Variants in CEP70 observed in about 807,000 individuals in gnomAD.
CEP70 encodes centrosomal protein 70.
In CEP70, 70 loss-of-function variants were observed where a neutral mutation model predicts 90.9. That is an observed-to-expected ratio of 0.77 (90% CI 0.64 to 0.94). The LOEUF (loss-of-function observed/expected upper bound fraction) is 0.94, where lower values mean the gene tolerates loss of function less well. CEP70 is among the 40% of genes least tolerant of loss of function. CEP70 has a pLI of 0.00. For missense variants in CEP70, 648 were observed against 669.0 expected (o/e 0.97, Z 0.35); for synonymous variants, 220 against 228.3 (o/e 0.96, Z 0.33).
At chr3:138,509,875 C>T (rs1196405065) in intron 11 of CEP70, among the ~76,000 whole-genome samples, 1 of 151,930 alleles carries the variant, frequency 6.6e-6, no homozygotes, top group Non-Finnish European at 1.5e-5. Context: ...CTGTTGGGTA[C>T]CACAGTGCTT....
chr3:138,517,470 C>A (rs1353448368), intron 11 of CEP70, among the ~76,000 whole-genome samples: 1 of 152,010 alleles, frequency 6.6e-6, no homozygotes, highest in Non-Finnish European at 1.5e-5. Flanking sequence ...GAGATCCACA[C>A]AGTGGCTAAC....
At chr3:138,523,537 CAAAATCAATGTGCAA>C in intron 11 of CEP70, among the ~76,000 whole-genome samples, 1 of 152,064 alleles carries the variant, frequency 6.6e-6, no homozygotes, top group Admixed American at 6.6e-5. Context: ...TCTCAGGATA[CAAAATCAATGTGCAA>C]AAATCACAAG....
chr3:138,564,759 C>T (rs540445710), intron 6 of CEP70, among the ~76,000 whole-genome samples: 2 of 152,008 alleles, frequency 1.3e-5, no homozygotes, highest in Non-Finnish European at 1.5e-5. Context: ...GGGCAAAAAC[C>T]AGAAGCACTC....
At chr3:138,546,807 T>A (rs2039243026) in intron 6 of CEP70, among the ~76,000 whole-genome samples, 1 of 152,074 alleles carries the variant, frequency 6.6e-6, no homozygotes, top group East Asian at 1.9e-4. Context: ...TAATATACTA[T>A]TCATAAATGA....
At chr3:138,583,129 C>T in intron 2 of CEP70, among the ~76,000 whole-genome samples, 1 of 152,140 alleles carries the variant, frequency 6.6e-6, no homozygotes, top group Non-Finnish European at 1.5e-5. Context: ...AAGGATATTA[C>T]ATGCCAATGA....
chr3:138,578,370 C>T (rs763355333), intron 2 of CEP70, among the ~76,000 whole-genome samples: 1 of 152,180 alleles, frequency 6.6e-6, no homozygotes, highest in Non-Finnish European at 1.5e-5. Context: ...AATGAGAGAA[C>T]TCCCTAATTC....
rs2036930407 is a variant in CEP70 at position 138,523,789 on chromosome 3, G to A, written c.944+1701C>T. Among the ~76,000 whole-genome samples, 17 of 152,176 alleles carry A rather than the reference G, an allele frequency of 1.1e-4. No individual in the cohort carries two copies. The South Asian group carries it at 3.5e-3, about 32-fold the overall frequency. On this transcript the variant is annotated intron_variant, in intron 11 of 17. Transcript: ENST00000264982. ...AGGAAGAATCAATATCGTGAAAATG[G>A]CCATACTACCCAAGGTAATTTATAG... is the stretch of plus-strand genomic sequence containing the variant.
chr3:138,550,016 T>C (rs185275853), intron 6 of CEP70, among the ~76,000 whole-genome samples: 1 of 152,186 alleles, frequency 6.6e-6, no homozygotes, highest in Non-Finnish European at 1.5e-5. Flanking sequence ...AAAAGGGAGA[T>C]AGTATTACAT....
chr3:138,553,168 C>T (rs919452585), intron 6 of CEP70, among the ~76,000 whole-genome samples: 4 of 151,588 alleles, frequency 2.6e-5, no homozygotes, highest in South Asian at 2.1e-4. Flanking sequence ...GCAGTGAGAA[C>T]GAAATACTGC....
At position 138,508,538 on chromosome 3, in the gene CEP70, C is replaced by T. The variant is rs190147976; in HGVS notation, c.951G>A (p.Gln317=). 7 of 1,595,986 alleles carry T rather than the reference C, an allele frequency of 4.4e-6. No homozygotes were observed. In the African/African-American group the frequency reaches 8.0e-5, roughly 18 times the overall value. The change falls in exon 12 of 18, where the codon CAG becomes CAA. Residue 317 remains glutamine, a synonymous_variant. Coordinates refer to ENST00000264982, the MANE Select transcript of CEP70 (RefSeq NM_024491.4). ...EKALKKNVKL[Q]ELINHKKAED... Reference sequence around the variant, plus strand: ...CAGCCTTCTTATGATTAATAAGCTCCTGTAATCTAAAAGGGGGAAAAAAAT... The same window carrying T: ...CAGCCTTCTTATGATTAATAAGCTCTTGTAATCTAAAAGGGGGAAAAAAAT...
intron 11 of CEP70, among the ~76,000 whole-genome samples, chr3:138,514,585 A>C (rs1576581790): frequency 6.6e-6 from 1 of 152,260 alleles, no homozygotes; most frequent in East Asian, 1.9e-4. Flanking sequence ...AAAAATTTTT[A>C]AAGTTTTACC....
At chr3:138,524,730 G>A (rs2037034382) in intron 11 of CEP70, among the ~76,000 whole-genome samples, 1 of 152,142 alleles carries the variant, frequency 6.6e-6, no homozygotes, top group Non-Finnish European at 1.5e-5. Context: ...TCTCACACCA[G>A]TTAGAATGGC....
chr3:138,522,413 A>C (rs1242300406), intron 11 of CEP70, among the ~76,000 whole-genome samples: 3 of 148,810 alleles, frequency 2.0e-5, no homozygotes, highest in Non-Finnish European at 4.5e-5. Flanking sequence ...AAAACCCTTC[A>C]AAAAAATCAA....
chr3:138,584,553 A>G (rs2042020547), intron 2 of CEP70, among the ~76,000 whole-genome samples: 1 of 151,986 alleles, frequency 6.6e-6, no homozygotes, highest in Non-Finnish European at 1.5e-5. Context: ...ACAAAATACT[A>G]GCAAACCAAA....
chr3:138,497,050 TAC>T lies in CEP70; in HGVS notation c.1732+979_1732+980del, dbSNP rs764424835. The T allele has an allele frequency of 6.8e-6, 7 of 1,031,492 alleles. No individual in the cohort carries two copies. In the South Asian group the frequency reaches 2.2e-4, roughly 32 times the overall value. 63.9% of individuals were successfully genotyped at this position (1,031,492 alleles called of 1,614,324 possible). On this transcript the variant is annotated intron_variant, in intron 17 of 17. Coordinates refer to ENST00000264982, the MANE Select transcript of CEP70 (RefSeq NM_024491.4). ...TTCAGGATATCAGACAACACACTTA[TAC>T]AGTTTCATACCTCATCTCAAGTTTA...
At chr3:138,590,942 A>C (rs1311375050) in intron 2 of CEP70, among the ~76,000 whole-genome samples, 1 of 152,220 alleles carries the variant, frequency 6.6e-6, no homozygotes, top group African/African-American at 2.4e-5. Context: ...GCATACCTGA[A>C]TGGTATGGTC....
At chr3:138,584,461 C>CAAAAAAAAAAA (rs35985463) in intron 2 of CEP70, among the ~76,000 whole-genome samples, 2 of 92,172 alleles carry the variant, frequency 2.2e-5, no homozygotes, top group Admixed American at 1.1e-4. Context: ...AAAGACATAT[C>CAAAAAAAAAAA]AAAAAAAAAA....
chr3:138,531,167 C>T (rs2037779237), intron 8 of CEP70, among the ~76,000 whole-genome samples: 1 of 152,084 alleles, frequency 6.6e-6, no homozygotes, highest in Non-Finnish European at 1.5e-5. Context: ...TCACTCATTC[C>T]TCAGCCCCAG....
chr3:138,510,347 C>T (rs956448804), intron 11 of CEP70, among the ~76,000 whole-genome samples: 10 of 151,606 alleles, frequency 6.6e-5, no homozygotes, highest in African/African-American at 1.5e-4. Context: ...GCAAAAGAAT[C>T]GCCTGAACCT....
Sources: allele counts gnomAD v4.1 joint callset (sites outside exome capture counted in the v4.1 genomes callset), GRCh38; gene constraint gnomAD v4.1.1; transcripts MANE v1.5; gene names NCBI Gene and HGNC (gene_info 2026-07-23, HGNC 2026-07-21).